Variants in KLK15 observed in about 807,000 individuals in gnomAD.
KLK15 encodes kallikrein-15.
Under a neutral mutation model 21.1 loss-of-function variants are expected in KLK15, and 19 were observed. That is an observed-to-expected ratio of 0.90 (90% CI 0.63 to 1.32). The LOEUF is 1.32. Among genes scored for constraint, KLK15 ranks in the 40% most tolerant of loss-of-function variants. The pLI is 0.00. For synonymous variants in KLK15, 141 were observed against 141.5 expected (o/e 1.00, Z 0.03); for missense variants, 345 against 348.6 (o/e 0.99, Z 0.08).
rs1277800876 is a variant in KLK15, at chr19:50,826,555, C to A, written c.618+66G>T. ...GGCCCAAAGCAAAGAAAATCCAACC[C>A]CATCCGGACTCCCACACCTGTCCCC... is the stretch of plus-strand genomic sequence containing the variant. On this transcript the variant is annotated intron_variant, in intron 4 of 4. Transcript: ENST00000598239. The A allele has an allele frequency of 5.3e-6, 8 of 1,499,274 alleles. No individual in the cohort carries two copies. The East Asian group carries it at 1.8e-4, about 35-fold the overall frequency. The allele number at this position is 1,499,274 out of a possible 1,614,324, so 92.9% of individuals were successfully genotyped here. A position where few individuals can be genotyped will look rare whatever the true frequency, so the allele number is the denominator to read the frequency against.
chr19:50,827,884 C>T (rs2089912452), intron 1 of KLK15, 69 bp from the exon 3 acceptor site: 1 of 1,448,334 alleles, frequency 6.9e-7, no homozygotes, highest in Non-Finnish European at 9.7e-7. Flanking sequence ...TTCCTTGCAC[C>T]CTGCCCTAAC....
At position 50,828,438 on chromosome 19, in the gene KLK15, G is replaced by A. The variant is rs546449551; in HGVS notation, c.44-623C>T. Among the ~76,000 whole-genome samples, 26 of 151,624 alleles carry A rather than the reference G, an allele frequency of 1.7e-4. 3 individuals carry two copies. Among genetic ancestry groups the A allele is most frequent in the Non-Finnish European group, 3.1e-4 (21 of 67,798 alleles). On this transcript the variant is annotated intron_variant, in intron 1 of 4. Transcript: ENST00000598239. ...TGGTCACTTGAAACCAGTCATTCACGGTCACCAAATTGTCACAGACGTCAA... is the reference window on the plus strand; with the variant it reads ...TGGTCACTTGAAACCAGTCATTCACAGTCACCAAATTGTCACAGACGTCAA...
chr19:50,826,575 G>A (rs2123400796), intron 4 of KLK15, 46 bp downstream of exon 5: 2 of 1,539,030 alleles, frequency 1.3e-6, no homozygotes, highest in South Asian at 1.3e-5. Flanking sequence ...TCCCACACCT[G>A]TCCCCATCCC....
At chr19:50,829,827 A>G (rs2089951611) in intron 1 of KLK15, among the ~76,000 whole-genome samples, 1 of 151,570 alleles carries the variant, frequency 6.6e-6, no homozygotes, top group African/African-American at 2.4e-5. Context: ...AAAAAAAACC[A>G]AACAAACAAA....
At chr19:50,827,724 A>G in exon 2 of KLK15, 2 of 1,611,334 alleles carry the variant, frequency 1.2e-6, no homozygotes. Flanking sequence ...CGCCACAGTT[A>G]AAGCGTCCAC....
intron 1 of KLK15, chr19:50,830,444 G>A (rs2089963001): frequency 6.6e-6 from 1 of 152,054 alleles, no homozygotes; most frequent in African/African-American, 2.4e-5. Flanking sequence ...GAAGGGTGAG[G>A]TCGTCCTCCG....
chr19:50,830,309 A>G (rs568357030), intron 1 of KLK15, among the ~76,000 whole-genome samples: 11 of 151,908 alleles, frequency 7.2e-5, no homozygotes, highest in African/African-American at 2.7e-4. Context: ...TCCCACCCAC[A>G]CAGGGGCAGG....
chr19:50,827,838 C>A (rs1599952617), intron 1 of KLK15, 23 bp from the exon 3 acceptor site: 2 of 1,608,722 alleles, frequency 1.2e-6, no homozygotes, highest in African/African-American at 2.7e-5. Context: ...GTAGAGGATG[C>A]CTGAGGACAG....
chr19:50,825,749 G>A (rs755639511), exon 5 of KLK15: 1 of 1,585,316 alleles, frequency 6.3e-7, no homozygotes, highest in African/African-American at 1.3e-5. Context: ...CTGGCCAGCT[G>A]TGGGGGCTTC....
intron 1 of KLK15, among the ~76,000 whole-genome samples, chr19:50,829,893 C>G (rs1035026329): frequency 4.0e-5 from 6 of 151,634 alleles, no homozygotes; most frequent in Non-Finnish European, 8.9e-5. Context: ...AGAGTTAGAG[C>G]TGCAGACACC....
At chr19:50,827,115 C>A (rs1371487790) in exon 3 of KLK15, 2 of 1,602,986 alleles carry the variant, frequency 1.2e-6, no homozygotes, top group Non-Finnish European at 1.7e-6. Flanking sequence ...TGCTCTGGGC[C>A]ATCGCGCTTG....
intron 1 of KLK15, among the ~76,000 whole-genome samples, chr19:50,829,712 C>T (rs368922590): frequency 1.1e-3 from 160 of 151,742 alleles, no homozygotes; most frequent in African/African-American, 3.5e-3. Context: ...TCTAGCTACT[C>T]GGGAGGCAGA....
At chr19:50,827,292 CT>C in intron 2 of KLK15, 131 bp from the exon 4 acceptor site, 2 of 890,990 alleles carry the variant, frequency 2.2e-6, no homozygotes, top group Non-Finnish European at 3.3e-6. Context: ...ATCCCATTAC[CT>C]TTTCCCAAGA....
intron 1 of KLK15, among the ~76,000 whole-genome samples, chr19:50,830,367 G>A (rs2089961576): frequency 6.6e-6 from 1 of 151,812 alleles, no homozygotes; most frequent in Admixed American, 6.6e-5. Flanking sequence ...TCACAGTCAG[G>A]AACTGGGCCA....
upstream of KLK15, chr19:50,833,245 C>G (rs942260982): frequency 2.0e-5 from 3 of 152,712 alleles, no homozygotes; most frequent in South Asian, 2.1e-4. Context: ...TGACTTGAAC[C>G]CGTGATCACT....
At chr19:50,826,296 CT>C (rs1448281030) in intron 4 of KLK15, 2 of 451,718 alleles carry the variant, frequency 4.4e-6, no homozygotes, top group African/African-American at 4.0e-5. Context: ...ATCTTCATGT[CT>C]TCTGCATTCC....
rs770919141 is a variant in KLK15 at position 50,827,728 on chromosome 19, C to T, written c.131G>A (p.Arg44His). Reference sequence around the variant, plus strand: ...GATGAGGGAAGCGCCACAGTTAAAGCGTCCACGCTCGTAGAGAGCCACTTG... The same window carrying T: ...GATGAGGGAAGCGCCACAGTTAAAGTGTCCACGCTCGTAGAGAGCCACTTG... The change falls in exon 2 of 5, where the codon CGC becomes CAC. Residue 44 changes from arginine to histidine, a missense_variant. Coordinates refer to ENST00000598239, the Ensembl canonical transcript of KLK15. 12 of 1,611,154 alleles carry T rather than the reference C, an allele frequency of 7.4e-6. No homozygotes were observed. Among genetic ancestry groups the T allele is most frequent in the Middle Eastern group, 1.7e-4 (1 of 6,042 alleles).
At chr19:50,826,044 TC>T in intron 4 of KLK15, 96 bp from the exon 6 acceptor site, 1 of 1,283,212 alleles carries the variant, frequency 7.8e-7, no homozygotes, top group Non-Finnish European at 1.1e-6. Context: ...ACCCAATCCA[TC>T]CCCATCCCAG....
exon 3 of KLK15, chr19:50,827,134 G>A (rs2123404675): frequency 6.3e-7 from 1 of 1,597,958 alleles, no homozygotes; most frequent in Non-Finnish European, 8.5e-7. Context: ...TGCGCAGGTT[G>A]TGCTCTCCCA....
Sources: allele counts gnomAD v4.1 joint callset (sites outside exome capture counted in the v4.1 genomes callset), GRCh38; gene constraint gnomAD v4.1.1; transcripts MANE v1.5; gene names NCBI Gene and HGNC (gene_info 2026-07-23, HGNC 2026-07-21).